RNGTT: variants seen among roughly 807,000 people sequenced by gnomAD.
The protein encoded by RNGTT is mRNA-capping enzyme.
A neutral mutation model predicts 79.3 loss-of-function variants in RNGTT; 33 were observed. That is an observed-to-expected ratio of 0.42 (90% CI 0.32 to 0.56). The LOEUF (loss-of-function observed/expected upper bound fraction) is 0.56, where lower values mean the gene tolerates loss of function less well. RNGTT is among the 20% of genes least tolerant of loss of function. The pLI, the probability that RNGTT is intolerant of heterozygous loss-of-function variation, is 0.17. For synonymous variants in RNGTT, 222 were observed against 235.9 expected, an observed-to-expected ratio of 0.94 and a Z score of 0.54; for missense variants, 497 against 739.1, an observed-to-expected ratio of 0.67 and a Z score of 3.80.
intron 13 of RNGTT, among the ~76,000 whole-genome samples, chr6:88,767,978 T>C (rs1778521947): frequency 6.6e-6 from 1 of 152,152 alleles, no homozygotes; most frequent in African/African-American, 2.4e-5. Flanking sequence ...CATTCCTGTG[T>C]GTGTATTCCA....
intron 14 of RNGTT, among the ~76,000 whole-genome samples, chr6:88,670,681 A>G (rs184113996): frequency 6.4e-4 from 98 of 152,296 alleles, no homozygotes; most frequent in East Asian, 2.5e-3. Flanking sequence ...ATATTGTATG[A>G]GGAAGACTTG....
At chr6:88,669,300 C>A (rs1187333826) in intron 14 of RNGTT, among the ~76,000 whole-genome samples, 1 of 152,236 alleles carries the variant, frequency 6.6e-6, no homozygotes, top group Non-Finnish European at 1.5e-5. Context: ...ATTCCCTCAA[C>A]ATTACTTCCT....
At chr6:88,645,391 G>A (rs377166796) in intron 14 of RNGTT, among the ~76,000 whole-genome samples, 16 of 152,110 alleles carry the variant, frequency 1.1e-4, no homozygotes, top group African/African-American at 3.9e-4. Context: ...ATGCTCATGG[G>A]TAGGAAGAAT....
chr6:88,648,324 A>G (rs1300230430), intron 14 of RNGTT, among the ~76,000 whole-genome samples: 1 of 152,096 alleles, frequency 6.6e-6, no homozygotes, highest in African/African-American at 2.4e-5. Flanking sequence ...AGTACCCCCA[A>G]TATTAATTTA....
chr6:88,814,185 A>G (rs1326314954), intron 11 of RNGTT, among the ~76,000 whole-genome samples: 1 of 152,190 alleles, frequency 6.6e-6, no homozygotes, highest in African/African-American at 2.4e-5. Flanking sequence ...AAAAAAAGCT[A>G]AAGTCATCTC....
At chr6:88,697,507 T>C (rs996423329) in intron 13 of RNGTT, among the ~76,000 whole-genome samples, 3 of 151,700 alleles carry the variant, frequency 2.0e-5, no homozygotes, top group Admixed American at 6.6e-5. Context: ...GCAGAGATTA[T>C]GCCACTGCAC....
chr6:88,957,690 T>C (rs1255129746), intron 1 of RNGTT, among the ~76,000 whole-genome samples: 1 of 152,138 alleles, frequency 6.6e-6, no homozygotes, highest in Non-Finnish European at 1.5e-5. Flanking sequence ...GAAAGATCTC[T>C]AAAAGGAAAA....
intron 14 of RNGTT, among the ~76,000 whole-genome samples, chr6:88,644,955 C>T (rs1030472240): frequency 1.2e-4 from 18 of 152,248 alleles, no homozygotes; most frequent in African/African-American, 3.6e-4. Context: ...GACAGGGATG[C>T]CCTCTCTCAC....
At chr6:88,844,060 T>C (rs1344973847) in intron 11 of RNGTT, among the ~76,000 whole-genome samples, 1 of 151,864 alleles carries the variant, frequency 6.6e-6, no homozygotes, top group Admixed American at 6.6e-5. Context: ...TTTCATTCAA[T>C]ACAGTTCTAT....
At chr6:88,625,676 T>G (rs942887122) in intron 14 of RNGTT, among the ~76,000 whole-genome samples, 1 of 151,866 alleles carries the variant, frequency 6.6e-6, no homozygotes, top group South Asian at 2.1e-4. Flanking sequence ...AGTGGCTCTA[T>G]GCCTATATGC....
rs200193188 is a variant in RNGTT, at chr6:88,846,757, C to CA, written c.1105-2237dup. Among the ~76,000 whole-genome samples, 506 of 113,622 alleles carry CA rather than the reference C, an allele frequency of 4.5e-3. 5 individuals are homozygous for CA. The highest frequency in any genetic ancestry group is 0.011 in the African/African-American group (328 of 30,846). 74.5% of individuals were successfully genotyped at this position (113,622 alleles called of 152,430 possible). A position where few individuals can be genotyped will look rare whatever the true frequency, so the allele number is the denominator to read the frequency against. Reference sequence around the variant, plus strand: ...CCTGGGTGACAGAGGAAGACTGTCTCAAAAAAAAAAAAAAAAATGTATGCT... The same window carrying CA: ...CCTGGGTGACAGAGGAAGACTGTCTCAAAAAAAAAAAAAAAAAATGTATGCT... On this transcript the variant is annotated intron_variant, in intron 10 of 15. Transcript: ENST00000369485.
At chr6:88,909,077 G>A (rs972397900) in intron 4 of RNGTT, among the ~76,000 whole-genome samples, 24 of 152,342 alleles carry the variant, frequency 1.6e-4, no homozygotes, top group African/African-American at 5.5e-4. Context: ...ACAGAGAAGA[G>A]TGTGGCATGG....
intron 11 of RNGTT, among the ~76,000 whole-genome samples, chr6:88,841,688 T>A (rs897777017): frequency 1.3e-5 from 2 of 152,192 alleles, no homozygotes. Context: ...CATAACCCAG[T>A]ATCAAAGCTG....
At chr6:88,955,010 A>G (rs1387149303) in intron 1 of RNGTT, among the ~76,000 whole-genome samples, 1 of 152,114 alleles carries the variant, frequency 6.6e-6, no homozygotes, top group Non-Finnish European at 1.5e-5. Context: ...ATGAGCTGAG[A>G]TCGTACCATT....
At chr6:88,897,991 A>C (rs1406263247) in intron 6 of RNGTT, among the ~76,000 whole-genome samples, 1 of 152,102 alleles carries the variant, frequency 6.6e-6, no homozygotes. Context: ...GAAAGCCTAC[A>C]CATTAACTCC....
chr6:88,924,992 A>T (rs1784274379), intron 4 of RNGTT, among the ~76,000 whole-genome samples: 1 of 152,080 alleles, frequency 6.6e-6, no homozygotes, highest in South Asian at 2.1e-4. Context: ...AAGTGCTGAG[A>T]TAACAATGGT....
chr6:88,724,650 AAT>A (rs1264350413), intron 13 of RNGTT, among the ~76,000 whole-genome samples: 1 of 152,202 alleles, frequency 6.6e-6, no homozygotes, highest in East Asian at 1.9e-4. Context: ...TGCAGTTCAT[AAT>A]AGAGTTCCTG....
At chr6:88,955,970 G>A (rs1785416878) in intron 1 of RNGTT, among the ~76,000 whole-genome samples, 1 of 150,206 alleles carries the variant, frequency 6.7e-6, no homozygotes, top group African/African-American at 2.5e-5. Flanking sequence ...GAACCTAGGA[G>A]GCAGAGGTTG....
At chr6:88,919,178 C>T (rs1009169457) in intron 4 of RNGTT, among the ~76,000 whole-genome samples, 11 of 152,138 alleles carry the variant, frequency 7.2e-5, no homozygotes, top group African/African-American at 2.7e-4. Context: ...TTAGATACGT[C>T]TTCAGTTTTT....
Sources: gnomAD v4.1 joint callset for allele counts (sites outside exome capture counted in the v4.1 genomes callset) on GRCh38, gnomAD v4.1.1 for gene constraint, MANE v1.5 for transcripts, NCBI Gene and HGNC (gene_info 2026-07-23, HGNC 2026-07-21) for gene names.